ACAP3: variants seen among roughly 807,000 people sequenced by gnomAD.
The protein encoded by ACAP3 is ArfGAP with coiled-coil, ankyrin repeat and PH domains 3.
ACAP3 carries 56 observed loss-of-function variants against 104.1 expected under a neutral mutation model. The ratio of observed to expected loss-of-function variants is 0.54; its 90% CI spans 0.43 to 0.67. The LOEUF is 0.67. Among genes scored for constraint, ACAP3 ranks in the 30% least tolerant of loss-of-function variants. The pLI is 0.00. For synonymous variants in ACAP3, 628 were observed against 496.2 expected, an observed-to-expected ratio of 1.27 and a Z score of -3.53; for missense variants, 1,208 against 1,174.9, an observed-to-expected ratio of 1.03 and a Z score of -0.41.
intron 1 of ACAP3, chr1:1,307,295 C>T (rs945734858): frequency 1.7e-5 from 22 of 1,289,030 alleles, no homozygotes; most frequent in South Asian, 2.5e-5. Flanking sequence ...CCCTCCAAGC[C>T]CCTGGGTCAT....
rs374046160 is a variant in ACAP3, at chr1:1,302,061, G to A, written c.280-15C>T. 52 of 1,520,524 alleles carry A rather than the reference G, an allele frequency of 3.4e-5. No individual in the cohort carries two copies. The East Asian group carries it at 8.6e-4, about 25-fold the overall frequency. The allele number at this position is 1,520,524 out of a possible 1,614,324, so 94.2% of individuals were successfully genotyped here. A position where few individuals can be genotyped will look rare whatever the true frequency, so the allele number is the denominator to read the frequency against. The stretch of plus-strand genomic sequence containing the variant: ...TCAAACAGGATCTGGGGGCAGAGGC[G>A]GGCAGAGATCCTTGGGGTCTGTCCC... On this transcript the variant is annotated splice_polypyrimidine_tract_variant and intron_variant, in intron 4 of 23. Transcript: ENST00000354700.
intron 5 of ACAP3, among the ~76,000 whole-genome samples, chr1:1,301,217 C>T (rs918795256): frequency 5.4e-5 from 8 of 148,866 alleles, no homozygotes; most frequent in Non-Finnish European, 8.9e-5. Flanking sequence ...GCTACAGGTG[C>T]GTGCCACCAT....
intron 1 of ACAP3, chr1:1,304,880 G>T (rs1287086556): frequency 2.6e-5 from 4 of 152,346 alleles, no homozygotes; most frequent in Non-Finnish European, 5.9e-5. Flanking sequence ...ACCCCCTCCG[G>T]GAGCAGGCAA....
chr1:1,294,767 G>T lies in ACAP3; in HGVS notation c.1863C>A (p.Asp621Glu), dbSNP rs1641041837. Reference sequence around the variant, plus strand: ...CAGAGCCCGAGCCGAAAGCCAGGACGTCCGAGCTGCCATCCGAGCTGCCCC... The same window carrying T: ...CAGAGCCCGAGCCGAAAGCCAGGACTTCCGAGCTGCCATCCGAGCTGCCCC... ...GLGGSSDGSS[D>E]VLAFGSGSVV... The change falls in exon 20 of 24, where the codon GAC becomes GAA. Residue 621 changes from aspartate to glutamate, a missense_variant. By Grantham distance (45) the Asp-to-Glu change is conservative. Coordinates refer to ENST00000354700, the MANE Select transcript of ACAP3 (RefSeq NM_030649.3). 2.6e-6 allele frequency: 4 copies of T among 1,549,946 alleles called. No individual in the cohort carries two copies. The highest frequency in any genetic ancestry group is 3.5e-6 in the Non-Finnish European group (4 of 1,146,728).
At chr1:1,304,822 C>CG (rs1557611174) in intron 1 of ACAP3, 1 of 152,412 alleles carries the variant, frequency 6.6e-6, no homozygotes, top group African/African-American at 2.4e-5. Context: ...GAAGCCTCGG[C>CG]GGGAGAATCC....
intron 6 of ACAP3, 100 bp downstream of exon 6, chr1:1,300,409 C>T (rs1641392397): frequency 2.2e-6 from 3 of 1,348,834 alleles, no homozygotes; most frequent in South Asian, 1.4e-5. Flanking sequence ...AAGCAAGAAT[C>T]GTCACTCCTG....
In ACAP3 at chr1:1,302,960, A is replaced by G; in HGVS notation, c.241T>C (p.Phe81Leu). 1 of 1,610,854 alleles carries G rather than the reference A, an allele frequency of 6.2e-7. No homozygotes were observed. The highest frequency in any genetic ancestry group is 8.5e-7 in the Non-Finnish European group (1 of 1,179,040). ...DTVISECLQR[F>L]ADSLQEVVNY... is the part of the protein sequence containing the mutation. ...ACCACCTCCTGTAGGCTGTCAGCGA[A>G]CCTCTGCAGACATTCCTGGAGGAGC... Residue 81 changes from phenylalanine (F) to leucine (L), a missense_variant, in exon 4 of 24, where the codon TTC becomes CTC. Physicochemically the swap from Phe to Leu is conservative, Grantham distance 22 (BLOSUM62 0). Coordinates refer to ENST00000354700, the MANE Select transcript of ACAP3 (RefSeq NM_030649.3).
rs778066925 is a variant in ACAP3, at chr1:1,296,142, CG to C, written c.1408-34del. ...GAGACAGGGCGAGCAGGCATCAGTG[CG>C]AACCTGCAGACCCCAGCTCCCGCCC... On this transcript the variant is annotated intron_variant, in intron 16 of 23. Transcript: ENST00000354700. The C allele has an allele frequency of 8.1e-6, 13 of 1,611,184 alleles. No individual in the cohort carries two copies. The African/African-American group carries it at 1.2e-4, about 15-fold the overall frequency.
At chr1:1,298,508 C>CCCCCCGGG in intron 11 of ACAP3, 59 bp downstream of exon 11, 14 of 1,363,920 alleles carry the variant, frequency 1.0e-5, no homozygotes, top group South Asian at 3.0e-5. Flanking sequence ...ACCCCACCCC[C>CCCCCCGGG]GCCTGAGGAC....
Position 1,303,578 on chromosome 1 carries a change from G to C in ACAP3, c.106-297C>G. 1.9e-6 allele frequency: 1 copy of C among 518,828 alleles called. No individual in the cohort carries two copies. Among genetic ancestry groups the C allele is most frequent in the South Asian group, 2.2e-5 (1 of 45,600 alleles). 32.1% of individuals were successfully genotyped at this position (518,828 alleles called of 1,614,324 possible). A position where few individuals can be genotyped will look rare whatever the true frequency, so the allele number is the denominator to read the frequency against. ...CAGCCCATGTGGGGCTCATGGATAA[G>C]GCTGCCCACTCCCAGCTCCACGGCC... is the stretch of plus-strand genomic sequence containing the variant. On this transcript the variant is annotated intron_variant, in intron 2 of 23. Transcript: ENST00000354700. This position sits in a 1 kb window ranked among gnomAD's most constrained non-coding sequence, Gnocchi z 4.0.
chr1:1,304,460 C>T (rs1403199673), intron 1 of ACAP3: 8 of 500,884 alleles, frequency 1.6e-5, no homozygotes, highest in Admixed American at 3.3e-5. Flanking sequence ...GAGCCAGCCT[C>T]ACCCGCCTCT....
At chr1:1,300,235 G>A (rs775423696) in intron 6 of ACAP3, 33 bp from the exon 7 acceptor site, 24 of 1,574,268 alleles carry the variant, frequency 1.5e-5, no homozygotes, top group Non-Finnish European at 2.1e-5. Flanking sequence ...GTGAGCCCCG[G>A]AGGCTGAGGC....
intron 1 of ACAP3, chr1:1,307,067 C>T: frequency 2.5e-6 from 2 of 795,818 alleles, no homozygotes; most frequent in Non-Finnish European, 3.7e-6. Flanking sequence ...CACGCAGGTG[C>T]GCACTTGGGG....
chr1:1,295,690 G>A (rs770588093), intron 18 of ACAP3, 46 bp downstream of exon 18: 33 of 1,564,930 alleles, frequency 2.1e-5, no homozygotes, highest in Middle Eastern at 3.9e-4. Context: ...GTCCATCCCC[G>A]ACCAAGGCAA....
At chr1:1,299,241 AGGTGTCCTT>A in intron 10 of ACAP3, 95 bp downstream of exon 10, 1 of 1,406,952 alleles carries the variant, frequency 7.1e-7, no homozygotes, top group Non-Finnish European at 9.8e-7. Flanking sequence ...GACTGGTGGG[AGGTGTCCTT>A]GGTGCTGAAG....
In ACAP3 at chr1:1,299,959, T is replaced by C. The variant is rs764697967; in HGVS notation, c.663+14A>G. 6.3e-7 allele frequency: 1 copy of C among 1,596,006 alleles called. No individual in the cohort carries two copies. Among genetic ancestry groups the C allele is most frequent in the East Asian group, 2.3e-5 (1 of 43,864 alleles). On this transcript the variant is annotated intron_variant, in intron 8 of 23. Transcript: ENST00000354700. ...CGGAGGCCTGGCCCAGCCCCACCCCTCCCAAAGGCTCACCTCGGCTGCCAG... is the reference window on the plus strand; with the variant it reads ...CGGAGGCCTGGCCCAGCCCCACCCCCCCCAAAGGCTCACCTCGGCTGCCAG...
chr1:1,295,879 G>A lies in ACAP3; in HGVS notation c.1562C>T (p.Ala521Val), dbSNP rs751397400. 38 of 1,611,802 alleles carry A rather than the reference G, an allele frequency of 2.4e-5. No individual in the cohort carries two copies. In the Admixed American group the frequency reaches 3.0e-4, roughly 13 times the overall value. ...KYVEKKFLRK[A>V]PMAPALEAPR... ...GGCCTCCAGGGCTGGTGCCATGGGC[G>A]CCTTCCGCAGAAACTTCTTTTCCAC... The change falls in exon 18 of 24, where the codon GCG becomes GTG. Residue 521 changes from alanine (A) to valine (V), a missense_variant. Transcript: ENST00000354700.
At position 1,304,226 on chromosome 1, in the gene ACAP3, G is replaced by A; in HGVS notation, c.48-83C>T. 5 of 1,505,844 alleles carry A rather than the reference G, an allele frequency of 3.3e-6. No homozygotes were observed. In the East Asian group the frequency reaches 1.2e-4, roughly 37 times the overall value. The allele number at this position is 1,505,844 out of a possible 1,614,324, so 93.3% of individuals were successfully genotyped here. ...CACCTCCCCCCGCACCTCCCTGAGG[G>A]GCTCCACCATGGGAAGGGGCTTTCA... On this transcript the variant is annotated intron_variant, in intron 1 of 23. Coordinates refer to ENST00000354700, the MANE Select transcript of ACAP3 (RefSeq NM_030649.3).
chr1:1,307,208 G>A (rs1235456540), intron 1 of ACAP3: 9 of 1,287,020 alleles, frequency 7.0e-6, no homozygotes, highest in East Asian at 5.6e-5. Context: ...CACGAATGAT[G>A]GAAAACATGC....
Sources: gnomAD v4.1 joint callset for allele counts (sites outside exome capture counted in the v4.1 genomes callset) on GRCh38, gnomAD v4.1.1 for gene constraint, Gnocchi (gnomAD v3.1) non-coding constraint, MANE v1.5 for transcripts, NCBI Gene and HGNC (gene_info 2026-07-23, HGNC 2026-07-21) for gene names.